Variants in WASF3 observed in about 807,000 individuals in gnomAD.
WASF3 encodes the protein WASP family member 3.
Under a neutral mutation model 46.6 loss-of-function variants are expected in WASF3, and 11 were observed. The observed-to-expected ratio is 0.24, with a 90% CI of 0.15 to 0.39. WASF3 has a LOEUF of 0.39. WASF3 is among the 10% of genes least tolerant of loss of function. The pLI, the probability that WASF3 is intolerant of heterozygous loss-of-function variation, is 1.00. For missense variants in WASF3, 576 were observed against 669.8 expected (o/e 0.86, Z 1.55); for synonymous variants, 242 against 259.7 (o/e 0.93, Z 0.65).
chr13:26,651,358 T>C (rs1426168755), intron 3 of WASF3, among the ~76,000 whole-genome samples: 2 of 151,632 alleles, frequency 1.3e-5, no homozygotes, highest in Admixed American at 6.6e-5. Context: ...AAAATTTTGC[T>C]AAAGGAACAG....
the WASF3 span, among the ~76,000 whole-genome samples, chr13:26,539,497 C>T: frequency 6.6e-6 from 1 of 152,072 alleles, no homozygotes; most frequent in African/African-American, 2.4e-5. Context: ...TTTTCCGTTC[C>T]AGTTAAGACT....
intron 1 of WASF3, among the ~76,000 whole-genome samples, chr13:26,571,719 T>C (rs1879643566): frequency 6.6e-6 from 1 of 152,228 alleles, no homozygotes; most frequent in Non-Finnish European, 1.5e-5. Context: ...TGTGTTTGCT[T>C]TTCCACATGA....
the WASF3 span, among the ~76,000 whole-genome samples, chr13:26,541,557 G>A: frequency 6.6e-6 from 1 of 152,134 alleles, no homozygotes; most frequent in African/African-American, 2.4e-5. Flanking sequence ...AAGAAGGCAG[G>A]CAGGCCCTAG....
Position 26,679,332 on chromosome 13 carries a change from C to T in WASF3, c.717-1722C>T, listed in dbSNP as rs1047729024. ...TTCAACTGACCAGTCCCCTCTTCCCCCAGCCCCCGTCCTCCTGATGGGCAC... is the reference window on the plus strand; with the variant it reads ...TTCAACTGACCAGTCCCCTCTTCCCTCAGCCCCCGTCCTCCTGATGGGCAC... On this transcript the variant is annotated intron_variant, in intron 7 of 9. Transcript: ENST00000335327. The surrounding 1 kb of genome is among the most constrained non-coding windows in gnomAD (Gnocchi z 4.8). 9.8e-5 allele frequency among the ~76,000 whole-genome samples: 15 copies of T among 152,294 alleles called. No individual in the cohort carries two copies. Among genetic ancestry groups the T allele is most frequent in the African/African-American group, 3.6e-4 (15 of 41,556 alleles).
chr13:26,556,339 C>T (rs1221378253), upstream of WASF3, among the ~76,000 whole-genome samples: 1 of 152,132 alleles, frequency 6.6e-6, no homozygotes, highest in Non-Finnish European at 1.5e-5. Context: ...GACATGGAAG[C>T]CATTCCCCTG....
Position 26,679,897 on chromosome 13 carries a change from C to G in WASF3, c.717-1157C>G. 1.1e-6 allele frequency: 1 copy of G among 951,590 alleles called. No homozygotes were observed. The highest frequency in any genetic ancestry group is 1.5e-6 in the Non-Finnish European group (1 of 655,562). The allele number at this position is 951,590 out of a possible 1,614,324, so 58.9% of individuals were successfully genotyped here. On this transcript the variant is annotated intron_variant, in intron 7 of 9. Coordinates refer to ENST00000335327, the MANE Select transcript of WASF3 (RefSeq NM_006646.6). This position sits in a 1 kb window ranked among gnomAD's most constrained non-coding sequence, Gnocchi z 4.8. ...GAAAAAGGAAAAGAAGCTGTCTCTT[C>G]TCATTTGGAAGGCTTTTCTGTGCCA...
chr13:26,575,959 T>C (rs1477630681), intron 1 of WASF3, among the ~76,000 whole-genome samples: 1 of 152,182 alleles, frequency 6.6e-6, no homozygotes, highest in African/African-American at 2.4e-5. Context: ...GCTCTTAAAA[T>C]GTGTAGATTC....
chr13:26,673,844 G>C (rs1441221919), intron 6 of WASF3, among the ~76,000 whole-genome samples: 1 of 152,216 alleles, frequency 6.6e-6, no homozygotes, highest in Non-Finnish European at 1.5e-5. Flanking sequence ...ATGACCTGGT[G>C]TGTGACAGTG....
At chr13:26,644,699 C>G (rs925791914) in intron 3 of WASF3, among the ~76,000 whole-genome samples, 1 of 152,156 alleles carries the variant, frequency 6.6e-6, no homozygotes, top group Non-Finnish European at 1.5e-5. Flanking sequence ...CTTATGAGAC[C>G]TACTGCTAAA....
At chr13:26,645,747 T>A (rs949410768) in intron 3 of WASF3, among the ~76,000 whole-genome samples, 2 of 152,064 alleles carry the variant, frequency 1.3e-5, no homozygotes, top group South Asian at 2.1e-4. Flanking sequence ...GAAACAGAAG[T>A]CAGTCAGTAG....
At chr13:26,584,163 G>A (rs1437137374) in intron 1 of WASF3, among the ~76,000 whole-genome samples, 1 of 152,150 alleles carries the variant, frequency 6.6e-6, no homozygotes, top group Non-Finnish European at 1.5e-5. Context: ...TCTCATCATA[G>A]ATTAATCACT....
intron 2 of WASF3, among the ~76,000 whole-genome samples, chr13:26,624,033 G>A (rs7338379): frequency 0.021 from 3,128 of 152,234 alleles, 108 homozygotes; most frequent in African/African-American, 0.071. Flanking sequence ...AAGAAATACT[G>A]TTTACTTAGT....
intron 2 of WASF3, among the ~76,000 whole-genome samples, chr13:26,637,201 G>C (rs1881854545): frequency 6.6e-6 from 1 of 152,186 alleles, no homozygotes; most frequent in Non-Finnish European, 1.5e-5. Flanking sequence ...CCTGCAGGGG[G>C]AGGGTACCTG....
intron 1 of WASF3, among the ~76,000 whole-genome samples, chr13:26,591,330 C>T (rs1266570696): frequency 6.6e-6 from 1 of 152,096 alleles, no homozygotes; most frequent in Non-Finnish European, 1.5e-5. Flanking sequence ...AATGCTCTAG[C>T]TTCTCAGGAA....
chr13:26,651,082 GAGGCCA>G (rs1882301619), intron 3 of WASF3, among the ~76,000 whole-genome samples: 1 of 152,120 alleles, frequency 6.6e-6, no homozygotes, highest in African/African-American at 2.4e-5. Context: ...AATTGCTAAG[GAGGCCA>G]AGGCAGGTGG....
Position 26,676,694 on chromosome 13 carries a change from C to T in WASF3, c.686C>T (p.Ser229Phe). ...TCTCAGAGTGTGTACCATGGAGCGT[C>T]TTCCGAGGGATCCCTGTCCCCAGAT... ...RLSQSVYHGA[S>F]SEGSLSPDTR... The change falls in exon 7 of 10, where the codon TCT becomes TTT. Residue 229 changes from serine to phenylalanine, a missense_variant. Physicochemically the swap from Ser to Phe is radical, Grantham distance 155. Coordinates refer to ENST00000335327, the MANE Select transcript of WASF3 (RefSeq NM_006646.6). The T allele has an allele frequency of 6.2e-7, 1 of 1,614,104 alleles. No homozygotes were observed. Among genetic ancestry groups the T allele is most frequent in the Non-Finnish European group, 8.5e-7 (1 of 1,179,994 alleles).
chr13:26,586,585 T>C (rs1408685423), intron 1 of WASF3, among the ~76,000 whole-genome samples: 9 of 152,196 alleles, frequency 5.9e-5, no homozygotes, highest in African/African-American at 2.2e-4. Context: ...TTTTCAGAAT[T>C]GTCTTGTCTG....
chr13:26,616,485 A>T (rs762431367), intron 2 of WASF3, among the ~76,000 whole-genome samples: 1 of 152,116 alleles, frequency 6.6e-6, no homozygotes, highest in Non-Finnish European at 1.5e-5. Flanking sequence ...AGAATTCTTT[A>T]TATATTCTGT....
At chr13:26,666,990 C>T (rs938412629) in intron 4 of WASF3, among the ~76,000 whole-genome samples, 1 of 151,692 alleles carries the variant, frequency 6.6e-6, no homozygotes, top group African/African-American at 2.4e-5. Flanking sequence ...TTTGTATCAT[C>T]GATCAAGCTA....
Sources: gnomAD v4.1 joint callset for allele counts (sites outside exome capture counted in the v4.1 genomes callset) on GRCh38, gnomAD v4.1.1 for gene constraint, Gnocchi (gnomAD v3.1) non-coding constraint, MANE v1.5 for transcripts, NCBI Gene and HGNC (gene_info 2026-07-23, HGNC 2026-07-21) for gene names.